PCDHGA8: variants seen among roughly 807,000 people sequenced by gnomAD.
The protein encoded by PCDHGA8 is protocadherin gamma-A8.
Under a neutral mutation model 59.2 loss-of-function variants are expected in PCDHGA8, and 45 were observed. The observed-to-expected ratio is 0.76, with a 90% CI of 0.60 to 0.98. PCDHGA8 has a LOEUF of 0.98. Ranked by LOEUF, PCDHGA8 falls within the 50% of genes least tolerant of loss-of-function variation. PCDHGA8 has a pLI of 0.00. For missense variants in PCDHGA8, 1,257 were observed against 1,196.2 expected (o/e 1.05, Z -0.75); for synonymous variants, 531 against 519.0 (o/e 1.02, Z -0.32).
chr5:141,421,515 CTG>C, intron 1 of PCDHGA8: 1 of 1,614,080 alleles, frequency 6.2e-7, no homozygotes, highest in Non-Finnish European at 8.5e-7. Context: ...GGGAGGAGCT[CTG>C]TGAGACGGTG....
chr5:141,427,775 G>A (rs768191014), intron 1 of PCDHGA8: 35 of 1,424,948 alleles, frequency 2.5e-5, no homozygotes, highest in Non-Finnish European at 2.9e-5. Context: ...TGGAGCTGCG[G>A]GCACTGTCGT....
At chr5:141,395,346 T>C in intron 1 of PCDHGA8, 109 bp downstream of exon 1, 1 of 1,396,344 alleles carries the variant, frequency 7.2e-7, no homozygotes. Context: ...TTAAGGTGTA[T>C]CACAGAGTTT....
rs781267293 is a variant in PCDHGA8 at position 141,489,926 on chromosome 5, C to T, written c.2425-4881C>T. 1.2e-6 allele frequency: 2 copies of T among 1,614,222 alleles called. No individual in the cohort carries two copies. The highest frequency in any genetic ancestry group is 2.2e-5 in the East Asian group (1 of 44,878). On this transcript the variant is annotated intron_variant, in intron 1 of 3. Coordinates refer to ENST00000398604, the MANE Select transcript of PCDHGA8 (RefSeq NM_032088.2). The surrounding 1 kb of genome is among the most constrained non-coding windows in gnomAD (Gnocchi z 4.5). Reference sequence around the variant, plus strand: ...GCCCGCTCAGGGACCACCCTTATCTCTGTCATCGTGCTGGACATCAATGAT... The same window carrying T: ...GCCCGCTCAGGGACCACCCTTATCTTTGTCATCGTGCTGGACATCAATGAT...
At chr5:141,496,948 G>A (rs2099772844) in intron 2 of PCDHGA8, among the ~76,000 whole-genome samples, 1 of 151,826 alleles carries the variant, frequency 6.6e-6, no homozygotes, top group Admixed American at 6.6e-5. Context: ...CACTTTGGGA[G>A]GCCAAGGTGG....
intron 3 of PCDHGA8, 119 bp downstream of exon 3, chr5:141,505,600 G>T: frequency 1.3e-6 from 2 of 1,554,224 alleles, no homozygotes; most frequent in Middle Eastern, 3.4e-4. Context: ...AGATCTTTCG[G>T]CAGGTCTGAA....
intron 1 of PCDHGA8, chr5:141,415,308 C>A: frequency 6.2e-7 from 1 of 1,614,236 alleles, no homozygotes; most frequent in Non-Finnish European, 8.5e-7. Context: ...TCCTGGCCTT[C>A]GTCATCGTGC....
intron 1 of PCDHGA8, chr5:141,399,613 G>A: frequency 6.2e-7 from 1 of 1,613,928 alleles, no homozygotes; most frequent in Non-Finnish European, 8.5e-7. Context: ...AGAGCCTCTG[G>A]CACTGGCCTC....
intron 1 of PCDHGA8, chr5:141,395,626 G>A (rs57582939): frequency 0.038 from 6,997 of 184,208 alleles, 191 homozygotes; most frequent in African/African-American, 0.067. Context: ...TTATCAAGAA[G>A]TCTAAAGCCT....
Position 141,489,569 on chromosome 5 carries a change from C to T in PCDHGA8, c.2425-5238C>T. On this transcript the variant is annotated intron_variant, in intron 1 of 3. Coordinates refer to ENST00000398604, the MANE Select transcript of PCDHGA8 (RefSeq NM_032088.2). This position sits in a 1 kb window ranked among gnomAD's most constrained non-coding sequence, Gnocchi z 4.5. ...TGCCTGCTGCCAGTGCAGGTGGTGACTGAACACCCCCTGGAGCTAATCCGT... is the reference window on the plus strand; with the variant it reads ...TGCCTGCTGCCAGTGCAGGTGGTGATTGAACACCCCCTGGAGCTAATCCGT... 6.2e-7 allele frequency: 1 copy of T among 1,614,024 alleles called. No homozygotes were observed. The highest frequency in any genetic ancestry group is 2.2e-5 in the East Asian group (1 of 44,870).
rs749121255 is a variant in PCDHGA8 at position 141,415,427 on chromosome 5, G to A, written c.2424+20190G>A. 3.1e-6 allele frequency: 5 copies of A among 1,614,050 alleles called. No homozygotes were observed. Among genetic ancestry groups the A allele is most frequent in the African/African-American group, 1.3e-5 (1 of 74,926 alleles). ...CACTTTGTGGGCGTGGACGGGGTTC[G>A]GGCTTTCCTGCAGACCTATTCCCAC... is the stretch of plus-strand genomic sequence containing the variant. On this transcript the variant is annotated intron_variant, in intron 1 of 3. Transcript: ENST00000398604.
intron 1 of PCDHGA8, chr5:141,404,984 C>T (rs779919758): frequency 6.2e-7 from 1 of 1,614,034 alleles, no homozygotes; most frequent in African/African-American, 1.3e-5. Context: ...CCTGGGCAGT[C>T]TTCAGATCCC....
intron 1 of PCDHGA8, chr5:141,418,113 T>C (rs1320881856): frequency 3.1e-6 from 5 of 1,613,912 alleles, no homozygotes; most frequent in Non-Finnish European, 3.4e-6. Context: ...GGGGACTTAC[T>C]TGTGAAGGAC....
chr5:141,433,406 T>TC (rs397794347), intron 1 of PCDHGA8, among the ~76,000 whole-genome samples: 446 of 150,100 alleles, frequency 3.0e-3, no homozygotes, highest in African/African-American at 0.01. Context: ...TATCTATCTA[T>TC]TACTTTCTTG....
chr5:141,420,047 G>T lies in PCDHGA8; in HGVS notation c.2424+24810G>T. ...TACTGCAGGAGACTGCTTTGAGTCA[G>T]TTCTCTGCTCCAAGTCCGGACCTGT... On this transcript the variant is annotated intron_variant, in intron 1 of 3. Coordinates refer to ENST00000398604, the MANE Select transcript of PCDHGA8 (RefSeq NM_032088.2). 3 of 1,614,076 alleles carry T rather than the reference G, an allele frequency of 1.9e-6. No individual in the cohort carries two copies. The South Asian group carries it at 3.3e-5, about 18-fold the overall frequency.
Position 141,511,208 on chromosome 5 carries a change from C to T in PCDHGA8, c.*35C>T, listed in dbSNP as rs1278180818. 27 of 1,610,922 alleles carry T rather than the reference C, an allele frequency of 1.7e-5. No individual in the cohort carries two copies. Among genetic ancestry groups the T allele is most frequent in the Non-Finnish European group, 2.3e-5 (27 of 1,178,572 alleles). ...CAGGCCAAGAGCCACAGGGCGGCCT[C>T]TCCCCAACCAGCCCAGCTTCTCCTT... On this transcript the variant is annotated 3_prime_UTR_variant, in exon 4 of 4. Coordinates refer to ENST00000398604, the MANE Select transcript of PCDHGA8 (RefSeq NM_032088.2).
At chr5:141,410,631 C>A (rs1227907799) in intron 1 of PCDHGA8, 1 of 1,600,936 alleles carries the variant, frequency 6.2e-7, no homozygotes, top group East Asian at 2.2e-5. Context: ...GTGAGTTTCT[C>A]TTTTTTGTGT....
chr5:141,508,139 G>C (rs1243018384), intron 3 of PCDHGA8: 1 of 152,514 alleles, frequency 6.6e-6, no homozygotes, highest in African/African-American at 2.4e-5. Flanking sequence ...CAGGGAGCTG[G>C]GGGCTGAGTT....
chr5:141,508,731 A>C (rs1596169554), intron 3 of PCDHGA8, among the ~76,000 whole-genome samples: 6 of 145,538 alleles, frequency 4.1e-5, no homozygotes, highest in African/African-American at 5.1e-5. Context: ...GGGAGACTAC[A>C]CCCCCCACCC....
At chr5:141,507,680 A>C (rs73794928) in intron 3 of PCDHGA8, among the ~76,000 whole-genome samples, 2,806 of 152,362 alleles carry the variant, frequency 0.018, 91 homozygotes, top group African/African-American at 0.063. Flanking sequence ...GATGTTAAAA[A>C]CAGAAATGAA....
Sources: gnomAD v4.1 joint callset for allele counts (sites outside exome capture counted in the v4.1 genomes callset) on GRCh38, gnomAD v4.1.1 for gene constraint, Gnocchi (gnomAD v3.1) non-coding constraint, MANE v1.5 for transcripts, NCBI Gene and HGNC (gene_info 2026-07-23, HGNC 2026-07-21) for gene names.